The following DISC1 variants were observed in gnomAD, a reference collection of about 807,000 sequenced individuals.
DISC1 encodes the protein disrupted in schizophrenia 1 protein.
Under a neutral mutation model 84.5 loss-of-function variants are expected in DISC1, and 57 were observed. That is an observed-to-expected ratio of 0.67 (90% CI 0.55 to 0.84). The LOEUF (loss-of-function observed/expected upper bound fraction) is 0.84, where lower values mean the gene tolerates loss of function less well. Ranked by LOEUF, DISC1 falls within the 40% of genes least tolerant of loss-of-function variation. DISC1 has a pLI of 0.00. For synonymous variants in DISC1, 411 were observed against 415.2 expected, an observed-to-expected ratio of 0.99 and a Z score of 0.12; for missense variants, 1,000 against 1,057.8, an observed-to-expected ratio of 0.95 and a Z score of 0.76.
chr1:231,632,865 G>A (rs1422813664), intron 1 of DISC1, among the ~76,000 whole-genome samples: 1 of 152,192 alleles, frequency 6.6e-6, no homozygotes, highest in Non-Finnish European at 1.5e-5. Context: ...GAGGTCAGGA[G>A]TTCGAGACCA....
At chr1:231,854,883 A>C (rs2084160632) in intron 9 of DISC1, 1 of 457,500 alleles carries the variant, frequency 2.2e-6, no homozygotes, top group Non-Finnish European at 4.1e-6. Context: ...TGCCTGGCTA[A>C]TTTTGTATTC....
In DISC1 at chr1:231,767,560, G is replaced by T. The variant is rs116340438; in HGVS notation, c.1398+291G>T. ...AATCCTCCTGCCTCAGTCTTCCAAA[G>T]TGCTGGGATTACAGGCGTGAGCCAC... On this transcript the variant is annotated intron_variant, in intron 5 of 12. Coordinates refer to ENST00000439617, the MANE Select transcript of DISC1 (RefSeq NM_018662.3). Among the ~76,000 whole-genome samples, 1,463 of 152,294 alleles carry T rather than the reference G, an allele frequency of 9.6e-3. 30 individuals are homozygous for T. Among genetic ancestry groups the T allele is most frequent in the African/African-American group, 0.034 (1,401 of 41,560 alleles).
chr1:231,985,549 G>A (rs1332087170), intron 10 of DISC1, among the ~76,000 whole-genome samples: 1 of 152,112 alleles, frequency 6.6e-6, no homozygotes, highest in African/African-American at 2.4e-5. Flanking sequence ...GTCAGAAAGT[G>A]TGTCATGACA....
At chr1:231,628,868 A>T (rs1291959238) in intron 1 of DISC1, among the ~76,000 whole-genome samples, 21 of 151,908 alleles carry the variant, frequency 1.4e-4, no homozygotes, top group Admixed American at 1.4e-3. Context: ...CAGCTTTTTG[A>T]GTAGTTGGGA....
intron 4 of DISC1, among the ~76,000 whole-genome samples, chr1:231,763,552 G>T (rs1171217419): frequency 6.6e-6 from 1 of 152,112 alleles, no homozygotes; most frequent in Non-Finnish European, 1.5e-5. Context: ...TCCTTTTTCT[G>T]TAACTGCTGT....
At chr1:231,771,323 C>T (rs756696865) in intron 6 of DISC1, 3 of 984,750 alleles carry the variant, frequency 3.0e-6, no homozygotes, top group Non-Finnish European at 3.6e-6. Flanking sequence ...TATGCACCCT[C>T]CCCATTTCCA....
intron 1 of DISC1, among the ~76,000 whole-genome samples, chr1:231,684,564 C>G (rs937115218): frequency 4.6e-5 from 7 of 151,972 alleles, no homozygotes; most frequent in African/African-American, 1.7e-4. Flanking sequence ...GGAACATTAC[C>G]CTCGAGGTCC....
chr1:231,835,848 G>A (rs527306901), intron 9 of DISC1, among the ~76,000 whole-genome samples: 1 of 152,290 alleles, frequency 6.6e-6, no homozygotes, highest in South Asian at 2.1e-4. Flanking sequence ...AGATAACGGC[G>A]TAGAATGGAT....
intron 11 of DISC1, among the ~76,000 whole-genome samples, chr1:232,020,144 C>A (rs180852531): frequency 3.9e-5 from 6 of 152,154 alleles, no homozygotes; most frequent in Admixed American, 3.9e-4. Context: ...GAGTTCGAGA[C>A]CAGCCTGACC....
chr1:231,787,627 C>T (rs948088207), intron 6 of DISC1, among the ~76,000 whole-genome samples: 2 of 152,186 alleles, frequency 1.3e-5, no homozygotes, highest in Non-Finnish European at 2.9e-5. Flanking sequence ...GTTTCCGACA[C>T]GTGAATTCTG....
At chr1:231,794,527 T>C (rs902899711) in intron 6 of DISC1, among the ~76,000 whole-genome samples, 6 of 152,206 alleles carry the variant, frequency 3.9e-5, no homozygotes, top group African/African-American at 1.4e-4. Flanking sequence ...GATCTGACTC[T>C]TAATTGCATT....
chr1:231,674,857 G>A (rs996093602), intron 1 of DISC1, among the ~76,000 whole-genome samples: 1 of 152,192 alleles, frequency 6.6e-6, no homozygotes, highest in Non-Finnish European at 1.5e-5. Context: ...TAGAAGGAGC[G>A]AGGATTTGTG....
chr1:231,831,852 G>A (rs1056352445), intron 9 of DISC1, among the ~76,000 whole-genome samples: 2 of 14,630 alleles, frequency 1.4e-4, no homozygotes, highest in African/African-American at 2.7e-4. Context: ...GAGGTAGTGG[G>A]GGGGGGTGGG....
At chr1:231,844,887 A>G (rs1341067022) in intron 9 of DISC1, among the ~76,000 whole-genome samples, 1 of 149,944 alleles carries the variant, frequency 6.7e-6, no homozygotes, top group Non-Finnish European at 1.5e-5. Context: ...AAACTGTGCC[A>G]TTGCACTCCA....
At chr1:231,812,724 G>A (rs1190150736) in intron 8 of DISC1, among the ~76,000 whole-genome samples, 2 of 152,160 alleles carry the variant, frequency 1.3e-5, no homozygotes, top group Non-Finnish European at 2.9e-5. Context: ...TGAAAGTTAT[G>A]AAGATTCAGG....
intron 9 of DISC1, among the ~76,000 whole-genome samples, chr1:231,881,950 G>A (rs781628426): frequency 6.6e-6 from 1 of 152,166 alleles, no homozygotes; most frequent in African/African-American, 2.4e-5. Flanking sequence ...CATCTGAGAC[G>A]CGGGAGCATA....
chr1:231,856,217 A>G lies in DISC1; in HGVS notation c.1981+37700A>G, dbSNP rs562237314. 5.9e-4 allele frequency among the ~76,000 whole-genome samples: 90 copies of G among 152,294 alleles called. 2 individuals are homozygous for G. The South Asian group carries it at 0.018, about 31-fold the overall frequency. ...ATGTGTCACAGTATATTGGAACATA[A>G]TGAATCCTGTGGCATGTGGATGGTA... On this transcript the variant is annotated intron_variant, in intron 9 of 12. Transcript: ENST00000439617.
At chr1:231,874,134 G>A (rs1381670552) in intron 9 of DISC1, among the ~76,000 whole-genome samples, 9 of 151,980 alleles carry the variant, frequency 5.9e-5, no homozygotes, top group Admixed American at 3.3e-4. Flanking sequence ...ACAGGTGTGA[G>A]CTACCGTGTC....
intron 2 of DISC1, among the ~76,000 whole-genome samples, chr1:231,695,701 T>C (rs2065598439): frequency 6.6e-6 from 1 of 152,152 alleles, no homozygotes; most frequent in Non-Finnish European, 1.5e-5. Context: ...TTTGTGTGTG[T>C]GCACTCATGT....
Sources: gnomAD v4.1 joint callset for allele counts (sites outside exome capture counted in the v4.1 genomes callset) on GRCh38, gnomAD v4.1.1 for gene constraint, MANE v1.5 for transcripts, NCBI Gene and HGNC (gene_info 2026-07-23, HGNC 2026-07-21) for gene names.